The following MAN1B1 variants were observed in gnomAD, a reference collection of about 807,000 sequenced individuals.
MAN1B1 encodes the protein mannosidase alpha class 1B member 1.
MAN1B1 carries 66 observed loss-of-function variants against 75.5 expected under a neutral mutation model. The observed-to-expected ratio is 0.87, with a 90% CI of 0.72 to 1.07. The LOEUF is 1.07. Ranked by LOEUF, MAN1B1 falls within the 50% of genes least tolerant of loss-of-function variation. The probability of loss-of-function intolerance (pLI) is 0.00; values close to 1 mark genes in which losing one functional copy is unlikely to be tolerated. For missense variants in MAN1B1, 973 were observed against 912.5 expected (o/e 1.07, Z -0.85); for synonymous variants, 453 against 382.8 (o/e 1.18, Z -2.14).
At chr9:137,107,229 G>A (rs1420769962) in intron 10 of MAN1B1, 21 bp from the exon 11 acceptor site, 2 of 1,611,170 alleles carry the variant, frequency 1.2e-6, no homozygotes, top group Non-Finnish European at 1.7e-6. Context: ...ATCTGGGGCT[G>A]AAGAGACCCT....
At chr9:137,094,318 G>A (rs1308725110) in intron 3 of MAN1B1, 3 of 404,000 alleles carry the variant, frequency 7.4e-6, no homozygotes, top group East Asian at 6.9e-5. Flanking sequence ...CCTGACCCTC[G>A]TAACGGTGAT....
chr9:137,108,417 C>T lies in MAN1B1; in HGVS notation c.1926C>T (p.Asn642=). The T allele has an allele frequency of 6.2e-7, 1 of 1,613,850 alleles. No individual in the cohort carries two copies. Among genetic ancestry groups the T allele is most frequent in the South Asian group, 1.1e-5 (1 of 91,078 alleles). The change falls in exon 13 of 13, where the codon AAC becomes AAT. Residue 642 remains asparagine (N), a synonymous_variant. Transcript: ENST00000371589. ...RVPSGGYSSI[N]NVQDPQKPEP... is the part of the protein sequence containing the mutation. ...CCTCGGGTGGCTATTCTTCCATCAA[C>T]AATGTCCAGGATCCTCAGAAGCCCG... is the stretch of plus-strand genomic sequence containing the variant.
intron 2 of MAN1B1, 141 bp downstream of exon 2, chr9:137,088,324 A>G (rs757388326): frequency 3.7e-6 from 6 of 1,603,926 alleles, no homozygotes; most frequent in Non-Finnish European, 5.1e-6. Context: ...AGAGAAAGGT[A>G]GAGCTGTATG....
intron 4 of MAN1B1, among the ~76,000 whole-genome samples, chr9:137,097,484 C>T (rs968395348): frequency 2.0e-5 from 3 of 152,190 alleles, no homozygotes; most frequent in Non-Finnish European, 4.4e-5. Flanking sequence ...GGGGCCACCT[C>T]ACTGTCACTA....
At chr9:137,088,251 C>G (rs767993283) in intron 2 of MAN1B1, 68 bp downstream of exon 2, 3 of 1,613,460 alleles carry the variant, frequency 1.9e-6, no homozygotes, top group Non-Finnish European at 1.7e-6. Context: ...AGCAATCTTG[C>G]ATTCTACCTT....
chr9:137,103,767 T>A, intron 8 of MAN1B1: 1 of 416,860 alleles, frequency 2.4e-6, no homozygotes, highest in Non-Finnish European at 4.7e-6. Flanking sequence ...TGGTGTTACA[T>A]TCACACTGTT....
chr9:137,094,177 GCTAA>G lies in MAN1B1; in HGVS notation c.466-2057_466-2054del, dbSNP rs1028388448. The stretch of plus-strand genomic sequence containing the variant: ...TTACAGGGATGTGCCACCACGCCCG[GCTAA>G]CTTTTTGATTTTTTGTAGAGGTGGG... On this transcript the variant is annotated intron_variant, in intron 3 of 12. Transcript: ENST00000371589. Among the ~76,000 whole-genome samples the G allele has an allele frequency of 7.6e-4, 116 of 151,816 alleles. 3 individuals carry two copies. The highest frequency in any genetic ancestry group is 2.8e-3 in the African/African-American group (114 of 41,440).
intron 8 of MAN1B1, 143 bp from the exon 9 acceptor site, chr9:137,105,982 G>C (rs779352536): frequency 1.4e-6 from 1 of 736,914 alleles, no homozygotes; most frequent in East Asian, 2.7e-5. Context: ...GGCAAGGACA[G>C]CTGTGGGCTG....
intron 8 of MAN1B1, chr9:137,105,389 T>G: frequency 1.7e-5 from 3 of 176,876 alleles, no homozygotes; most frequent in South Asian, 1.2e-4. Context: ...ATGCAGACAT[T>G]TAGAAGGCGT....
At position 137,107,735 on chromosome 9, in the gene MAN1B1, C is replaced by T. The variant is rs12000517; in HGVS notation, c.1896+73C>T. ...GCACGGCTGGGCTGTGGGGCTCAGG[C>T]TGGCTCCGCTCTTGGTGGTGGCTGT... On this transcript the variant is annotated intron_variant, in intron 12 of 12. Coordinates refer to ENST00000371589, the MANE Select transcript of MAN1B1 (RefSeq NM_016219.5). The T allele has an allele frequency of 0.34, 543,196 of 1,606,152 alleles. 96,018 individuals are homozygous for T. Among genetic ancestry groups the T allele is most frequent in the Non-Finnish European group, 0.37 (430,057 of 1,175,754 alleles).
At chr9:137,087,573 T>A in intron 1 of MAN1B1, 1 of 516,066 alleles carries the variant, frequency 1.9e-6, no homozygotes, top group South Asian at 1.6e-5. Flanking sequence ...CTCGGTACAG[T>A]GAGAAATGAG....
At chr9:137,092,454 C>A (rs970915434) in intron 3 of MAN1B1, among the ~76,000 whole-genome samples, 6 of 152,136 alleles carry the variant, frequency 3.9e-5, no homozygotes, top group African/African-American at 1.4e-4. Flanking sequence ...GGGTTAGGGG[C>A]TGGATTGGTC....
At chr9:137,087,260 G>T (rs770390812) in intron 1 of MAN1B1, 42 bp downstream of exon 1, 3 of 1,543,338 alleles carry the variant, frequency 1.9e-6, no homozygotes, top group African/African-American at 2.7e-5. Context: ...GGGCTGCCGT[G>T]CCCGCCGCCC....
Position 137,101,585 on chromosome 9 carries a change from G to T in MAN1B1, c.1167G>T (p.Trp389Cys). The change falls in exon 8 of 13, where the codon TGG becomes TGT. Residue 389 changes from tryptophan to cysteine, a missense_variant. Physicochemically the swap from Trp to Cys is radical, Grantham distance 215 (BLOSUM62 -2). Coordinates refer to ENST00000371589, the MANE Select transcript of MAN1B1 (RefSeq NM_016219.5). ...CTGGAGTTGCCCACCCGCCACGGTG[G>T]ACCTCCGACAGCACTGTGGCCGAGG... ...IGTGVAHPPR[W>C]TSDSTVAEVT... is the part of the protein sequence containing the mutation. 1 of 1,613,890 alleles carries T rather than the reference G, an allele frequency of 6.2e-7. No individual in the cohort carries two copies. Among genetic ancestry groups the T allele is most frequent in the Non-Finnish European group, 8.5e-7 (1 of 1,180,044 alleles).
At chr9:137,108,327 T>C (rs1443020302) in intron 12 of MAN1B1, 61 bp from the exon 13 acceptor site, 6 of 1,429,324 alleles carry the variant, frequency 4.2e-6, no homozygotes, top group Admixed American at 3.4e-5. Flanking sequence ...GCTTCGGTGA[T>C]GAGGCTGAGG....
intron 3 of MAN1B1, among the ~76,000 whole-genome samples, chr9:137,095,325 A>G (rs1446972121): frequency 6.6e-6 from 1 of 151,880 alleles, no homozygotes; most frequent in Non-Finnish European, 1.5e-5. Context: ...CTGGGATTAC[A>G]GACGTGAGCC....
intron 3 of MAN1B1, among the ~76,000 whole-genome samples, chr9:137,095,198 C>T (rs1357164756): frequency 1.1e-4 from 17 of 151,694 alleles, no homozygotes; most frequent in Admixed American, 9.2e-4. Flanking sequence ...GGATTACAGG[C>T]GTGCGCCACC....
intron 4 of MAN1B1, among the ~76,000 whole-genome samples, chr9:137,097,535 T>C (rs912440411): frequency 2.0e-5 from 3 of 152,172 alleles, no homozygotes; most frequent in African/African-American, 7.2e-5. Context: ...TCCTCCACCA[T>C]AGAGGCCCCC....
chr9:137,097,763 G>C, intron 4 of MAN1B1, 65 bp from the exon 5 acceptor site: 3 of 1,258,834 alleles, frequency 2.4e-6, no homozygotes, highest in Non-Finnish European at 3.4e-6. Flanking sequence ...TATGGAGCGT[G>C]GGGGTGGGAA....
Sources: allele counts gnomAD v4.1 joint callset (sites outside exome capture counted in the v4.1 genomes callset), GRCh38; gene constraint gnomAD v4.1.1; transcripts MANE v1.5; gene names NCBI Gene and HGNC (gene_info 2026-07-23, HGNC 2026-07-21).